The following OR51B5 variants were observed in gnomAD, a reference collection of about 807,000 sequenced individuals.
The protein encoded by OR51B5 is olfactory receptor 51B5.
For missense variants in OR51B5, 456 were observed against 374.6 expected (o/e 1.22, Z -1.79); for synonymous variants, 186 against 144.8 (o/e 1.28, Z -2.04).
intron 1 of OR51B5, among the ~76,000 whole-genome samples, chr11:5,368,463 C>A (rs1849406309): frequency 1.3e-5 from 2 of 151,872 alleles, no homozygotes; most frequent in Non-Finnish European, 2.9e-5. Flanking sequence ...GAAATCATTG[C>A]TATTATTACT....
intron 1 of OR51B5, among the ~76,000 whole-genome samples, chr11:5,446,372 T>A (rs4910564): frequency 0.18 from 28,064 of 152,128 alleles, 2,902 homozygotes; most frequent in East Asian, 0.38. Context: ...ATACTGGTAT[T>A]CACTGTGAAA....
At chr11:5,449,183 T>C (rs1850809742) in intron 1 of OR51B5, 1 of 152,252 alleles carries the variant, frequency 6.6e-6, no homozygotes, top group African/African-American at 2.4e-5. Flanking sequence ...GGCTTTATTC[T>C]CAGTAGTTAT....
chr11:5,404,059 G>A (rs1483262802), intron 1 of OR51B5, among the ~76,000 whole-genome samples: 1 of 150,844 alleles, frequency 6.6e-6, no homozygotes, highest in Non-Finnish European at 1.5e-5. Context: ...TGGAAGTCTT[G>A]AAGACTACAA....
At chr11:5,454,111 G>C (rs1249208716) in intron 1 of OR51B5, 1 of 1,613,938 alleles carries the variant, frequency 6.2e-7, no homozygotes, top group Non-Finnish European at 8.5e-7. Context: ...TCCACCTTTG[G>C]CATGGACCTG....
exon 1 of OR51B5, chr11:5,343,398 G>A (rs1275740628): frequency 6.2e-7 from 1 of 1,613,898 alleles, no homozygotes; most frequent in Non-Finnish European, 8.5e-7. Context: ...AGAAGAAGGA[G>A]GGTGCCATTG....
At position 5,352,187 on chromosome 11, in the gene OR51B5, G is replaced by A; in HGVS notation, n.85-5277C>T. The A allele has an allele frequency of 1.2e-6, 2 of 1,614,114 alleles. 1 individual carries two copies. The highest frequency in any genetic ancestry group is 2.2e-5 in the South Asian group (2 of 91,074). On this transcript the variant is annotated intron_variant and non_coding_transcript_variant, in intron 1 of 4. Transcript: ENST00000415970. The stretch of plus-strand genomic sequence containing the variant: ...ATTCTCAAGACTGTCATGGGCATTG[G>A]TTCTGGAGGAGAAAGGGCCAAGGCC...
chr11:5,366,020 C>T (rs1287910158), intron 1 of OR51B5, among the ~76,000 whole-genome samples: 1 of 151,974 alleles, frequency 6.6e-6, no homozygotes, highest in Non-Finnish European at 1.5e-5. Context: ...TTAAGACCAA[C>T]CAACCACCCT....
rs770176273 is a variant in OR51B5, at chr11:5,351,962, T to G, written n.85-5052A>C. 6 of 1,613,162 alleles carry G rather than the reference T, an allele frequency of 3.7e-6. No homozygotes were observed. In the East Asian group the frequency reaches 1.1e-4, roughly 30 times the overall value. ...GTGCGGGTATTGACAAGGGCTGGTC[T>G]GTCCATTATGCCAATAGTTGTTCGC... On this transcript the variant is annotated intron_variant and non_coding_transcript_variant, in intron 1 of 4. Coordinates refer to the OR51B5 transcript ENST00000415970.
chr11:5,445,529 ATAT>A (rs1385584687), intron 1 of OR51B5, among the ~76,000 whole-genome samples: 4 of 152,046 alleles, frequency 2.6e-5, no homozygotes, highest in Admixed American at 1.3e-4. Context: ...TTTAGTCTAG[ATAT>A]TATTATCAGC....
At chr11:5,474,578 C>G (rs1590017813) in intron 1 of OR51B5, among the ~76,000 whole-genome samples, 1 of 152,038 alleles carries the variant, frequency 6.6e-6, no homozygotes, top group South Asian at 2.1e-4. Flanking sequence ...AAGCCTTTTC[C>G]TCTTGTTTGT....
chr11:5,476,609 A>G (rs1291899678), intron 1 of OR51B5, among the ~76,000 whole-genome samples: 3 of 152,220 alleles, frequency 2.0e-5, no homozygotes, highest in Non-Finnish European at 2.9e-5. Context: ...GAACAAGCCG[A>G]TAAGAGGAAG....
intron 1 of OR51B5, among the ~76,000 whole-genome samples, chr11:5,438,836 T>G (rs1012175789): frequency 2.6e-5 from 4 of 152,182 alleles, no homozygotes; most frequent in African/African-American, 9.7e-5. Flanking sequence ...GAAGTTAAAC[T>G]TTTAACAATG....
intron 1 of OR51B5, chr11:5,352,021 C>G: frequency 6.2e-7 from 1 of 1,612,912 alleles, no homozygotes; most frequent in South Asian, 1.1e-5. Context: ...ATCCCATGTA[C>G]TCTCCCATGC....
intron 1 of OR51B5, among the ~76,000 whole-genome samples, chr11:5,373,311 C>T (rs931322296): frequency 2.0e-5 from 3 of 152,128 alleles, no homozygotes; most frequent in Admixed American, 2.0e-4. Context: ...CTATATTGAT[C>T]GATTTTTTCT....
At chr11:5,488,917 C>T (rs1851535205) in intron 1 of OR51B5, 3 of 1,614,082 alleles carry the variant, frequency 1.9e-6, no homozygotes, top group South Asian at 1.1e-5. Flanking sequence ...CCTTCTCTCA[C>T]TCACAGACCT....
intron 1 of OR51B5, among the ~76,000 whole-genome samples, chr11:5,485,722 G>A (rs1269671937): frequency 2.0e-5 from 3 of 152,072 alleles, no homozygotes; most frequent in African/African-American, 7.2e-5. Context: ...TCTTCCTTCT[G>A]AGATCTGCAT....
Position 5,342,911 on chromosome 11 carries a change from A to AT in OR51B5, c.613_614insA (p.Phe205TyrfsTer87). 6.2e-7 allele frequency: 1 copy of AT among 1,614,024 alleles called. No homozygotes were observed. The highest frequency in any genetic ancestry group is 8.5e-7 in the Non-Finnish European group (1 of 1,179,986). ...GAAGATAATCAGATAATCCAGCACA[A>AT]ATATAAAGACTACAAGCACAGCTGG... On this transcript the variant is annotated frameshift_variant, in exon 1 of 1. Transcript: ENST00000300773. LOFTEE classifies it low-confidence loss of function (END_TRUNC).
rs192367654 is a variant in OR51B5 at position 5,378,487 on chromosome 11, T to C, written n.85-31577A>G. 6.8e-3 allele frequency among the ~76,000 whole-genome samples: 1,031 copies of C among 152,276 alleles called. 8 individuals carry two copies. Among genetic ancestry groups the C allele is most frequent in the African/African-American group, 0.024 (977 of 41,552 alleles). On this transcript the variant is annotated intron_variant and non_coding_transcript_variant, in intron 1 of 4. Transcript: ENST00000415970. Reference sequence around the variant, plus strand: ...GGATCTAATGAAACTAAAGAGCTTCTGCACAGCTAAAGAAACTACCATCAG... The same window carrying C: ...GGATCTAATGAAACTAAAGAGCTTCCGCACAGCTAAAGAAACTACCATCAG...
At chr11:5,465,205 C>CAAA (rs34459420) in intron 1 of OR51B5, among the ~76,000 whole-genome samples, 5,475 of 45,086 alleles carry the variant, frequency 0.12, 937 homozygotes, top group Non-Finnish European at 0.15. Context: ...GACTCCGTCT[C>CAAA]AAAAAAAAAA....
Sources: allele counts gnomAD v4.1 joint callset (sites outside exome capture counted in the v4.1 genomes callset), GRCh38; gene constraint gnomAD v4.1.1; transcripts MANE v1.5; gene names NCBI Gene and HGNC (gene_info 2026-07-23, HGNC 2026-07-21).